Variants in SAMHD1 observed in about 807,000 individuals in gnomAD.
SAMHD1 encodes deoxynucleoside triphosphate triphosphohydrolase SAMHD1.
SAMHD1 carries 54 observed loss-of-function variants against 79.6 expected under a neutral mutation model. That is an observed-to-expected ratio of 0.68 (90% CI 0.55 to 0.85). SAMHD1 has a LOEUF of 0.85. Among genes scored for constraint, SAMHD1 ranks in the 40% least tolerant of loss-of-function variants. The pLI, the probability that SAMHD1 is intolerant of heterozygous loss-of-function variation, is 0.00. For missense variants in SAMHD1, 663 were observed against 782.7 expected, an observed-to-expected ratio of 0.85 and a Z score of 1.82; for synonymous variants, 260 against 264.1, an observed-to-expected ratio of 0.98 and a Z score of 0.15.
At chr20:36,941,645 T>C (rs1487439169) in intron 2 of SAMHD1, among the ~76,000 whole-genome samples, 1 of 152,152 alleles carries the variant, frequency 6.6e-6, no homozygotes, top group East Asian at 1.9e-4. Flanking sequence ...CCTGCTTCAT[T>C]TACAATTACT....
intron 15 of SAMHD1, 92 bp from the exon 16 acceptor site, chr20:36,893,158 AT>A (rs1196615255): frequency 1.6e-5 from 23 of 1,476,340 alleles, no homozygotes; most frequent in Middle Eastern, 1.8e-4. Context: ...GCACATCCTC[AT>A]CTTGCATATA....
chr20:36,913,266 G>A (rs1240462655), intron 9 of SAMHD1, among the ~76,000 whole-genome samples: 1 of 150,504 alleles, frequency 6.6e-6, no homozygotes, highest in Non-Finnish European at 1.5e-5. Flanking sequence ...CATAGTGCTG[G>A]GATTACAGGC....
chr20:36,905,336 A>G, intron 12 of SAMHD1, 28 bp downstream of exon 12: 1 of 1,612,850 alleles, frequency 6.2e-7, no homozygotes, highest in Non-Finnish European at 8.5e-7. Context: ...ATAACCTTTC[A>G]CTAATGGAAA....
intron 6 of SAMHD1, among the ~76,000 whole-genome samples, chr20:36,925,815 G>C (rs996844126): frequency 6.6e-6 from 1 of 152,098 alleles, no homozygotes; most frequent in Admixed American, 6.6e-5. Flanking sequence ...TAATTTGAAA[G>C]GTCAAATGTT....
intron 6 of SAMHD1, among the ~76,000 whole-genome samples, chr20:36,926,584 AAAAG>A (rs1021172768): frequency 1.3e-5 from 2 of 152,114 alleles, no homozygotes; most frequent in African/African-American, 4.8e-5. Flanking sequence ...ATACCTCAAA[AAAAG>A]AGAGAGAGAA....
intron 4 of SAMHD1, among the ~76,000 whole-genome samples, chr20:36,933,449 C>A (rs755721173): frequency 1.3e-5 from 2 of 152,050 alleles, no homozygotes; most frequent in Non-Finnish European, 2.9e-5. Context: ...ATTAAATAAT[C>A]AAATATACAT....
intron 3 of SAMHD1, among the ~76,000 whole-genome samples, chr20:36,937,500 C>T (rs778201236): frequency 2.6e-5 from 4 of 152,136 alleles, no homozygotes; most frequent in Admixed American, 6.6e-5. Flanking sequence ...ACATCCAGAA[C>T]ATATAAAGAG....
intron 2 of SAMHD1, among the ~76,000 whole-genome samples, chr20:36,942,791 C>T (rs1335817422): frequency 3.9e-5 from 6 of 151,964 alleles, no homozygotes; most frequent in African/African-American, 9.7e-5. Context: ...GGACTACAGC[C>T]GCCCGCCACC....
At chr20:36,948,766 C>T (rs952928936) in intron 1 of SAMHD1, among the ~76,000 whole-genome samples, 1 of 148,844 alleles carries the variant, frequency 6.7e-6, no homozygotes, top group Non-Finnish European at 1.5e-5. Flanking sequence ...ACTCAGGAGG[C>T]TGAGGCAGGA....
chr20:36,948,563 T>G (rs1281252751), intron 1 of SAMHD1, among the ~76,000 whole-genome samples: 1 of 151,228 alleles, frequency 6.6e-6, no homozygotes, highest in Non-Finnish European at 1.5e-5. Context: ...AAGAGAAACT[T>G]TATTAGAAAG....
chr20:36,904,501 G>A (rs1173700479), intron 12 of SAMHD1: 1 of 429,234 alleles, frequency 2.3e-6, no homozygotes, highest in African/African-American at 2.0e-5. Flanking sequence ...GGCGGATCAT[G>A]AGGTCGGGAG....
At chr20:36,941,202 C>T (rs569084251) in intron 2 of SAMHD1, 91 bp from the exon 3 acceptor site, 2 of 843,244 alleles carry the variant, frequency 2.4e-6, no homozygotes, top group South Asian at 2.8e-5. Context: ...TTTATATTAT[C>T]TACACTAACA....
chr20:36,942,410 C>T (rs1279964181), intron 2 of SAMHD1, among the ~76,000 whole-genome samples: 7 of 152,222 alleles, frequency 4.6e-5, no homozygotes, highest in African/African-American at 1.7e-4. Context: ...AAGAGCAAAA[C>T]TCCAACTCAA....
At chr20:36,943,444 C>T (rs375156495) in intron 2 of SAMHD1, among the ~76,000 whole-genome samples, 19 of 152,146 alleles carry the variant, frequency 1.2e-4, no homozygotes, top group African/African-American at 4.3e-4. Context: ...CAGAACAATA[C>T]AGCTCTAAGG....
Position 36,912,751 on chromosome 20 carries a change from ATTTTTTT to A in SAMHD1, c.1063-206_1063-200del, listed in dbSNP as rs66970329. Among the ~76,000 whole-genome samples, 26,847 of 107,034 alleles carry A rather than the reference ATTTTTTT, an allele frequency of 0.25. 3,354 individuals are homozygous for A. Among genetic ancestry groups the A allele is most frequent in the East Asian group, 0.43 (1,671 of 3,918 alleles). The allele number at this position is 107,034 out of a possible 152,430, so 70.2% of individuals were successfully genotyped here. A position where few individuals can be genotyped will look rare whatever the true frequency, so the allele number is the denominator to read the frequency against. ...AGCCATTTATTGGCTTGCAACTTTCATTTTTTTTTTTTTTTTTTTTTTTTTTAAAAGA... is the reference window on the plus strand; with the variant it reads ...AGCCATTTATTGGCTTGCAACTTTCATTTTTTTTTTTTTTTTTTTAAAAGA... On this transcript the variant is annotated intron_variant, in intron 9 of 15. Coordinates refer to ENST00000646673, the MANE Select transcript of SAMHD1 (RefSeq NM_015474.4).
rs1211679720 is a variant in SAMHD1 at position 36,911,206 on chromosome 20, G to A, written c.1270+12C>T. On this transcript the variant is annotated intron_variant, in intron 11 of 15. Transcript: ENST00000646673. ...CTGAGATGGACCATCTATGTTACCT[G>A]TTACTTCTTACCTGTCAGCTTAGTA... 1 of 1,545,686 alleles carries A rather than the reference G, an allele frequency of 6.5e-7. No homozygotes were observed.
In SAMHD1 at chr20:36,912,536, T is replaced by C. The variant is rs1360169823; in HGVS notation, c.1079A>G (p.Tyr360Cys). The C allele has an allele frequency of 6.2e-7, 1 of 1,612,232 alleles. No homozygotes were observed. Among genetic ancestry groups the C allele is most frequent in the East Asian group, 2.2e-5 (1 of 44,864 alleles). ...CARDKEVGNL[Y>C]DMFHTRNSLH... ...AGAGTTGCGAGTGTGGAACATGTCA[T>C]ACAGATTTCCAACTTCCTGCAGGAA... is the stretch of plus-strand genomic sequence containing the variant. The change falls in exon 10 of 16, where the codon TAT (tyrosine) becomes TGT (cysteine). Residue 360 changes from tyrosine (Y) to cysteine (C), a missense_variant. By Grantham distance (194) the Tyr-to-Cys change is radical (BLOSUM62 -2). Coordinates refer to ENST00000646673, the MANE Select transcript of SAMHD1 (RefSeq NM_015474.4).
At chr20:36,926,955 G>A (rs2146127528) in intron 6 of SAMHD1, 2 of 496,268 alleles carry the variant, frequency 4.0e-6, no homozygotes, top group South Asian at 4.7e-5. Flanking sequence ...ACATCCAAGA[G>A]TTTCAAGTTC....
Position 36,911,281 on chromosome 20 carries a change from C to T in SAMHD1, c.1207G>A (p.Gly403Arg), listed in dbSNP as rs1166656032. Reference sequence around the variant, plus strand: ...GTAGAAATGCGATACTTTTTTCCTCCAGCACCTGTAATCTCTATGTAGTCA... The same window carrying T: ...GTAGAAATGCGATACTTTTTTCCTCTAGCACCTGTAATCTCTATGTAGTCA... ...ADDYIEITGA[G>R]GKKYRISTAI... is the part of the protein sequence containing the mutation. The change falls in exon 11 of 16, where the codon GGA becomes AGA. Residue 403 changes from glycine (G) to arginine (R), a missense_variant. By Grantham distance (125) the Gly-to-Arg change is moderately radical (BLOSUM62 -2). Transcript: ENST00000646673. 1 of 1,613,022 alleles carries T rather than the reference C, an allele frequency of 6.2e-7. No homozygotes were observed. The highest frequency in any genetic ancestry group is 1.3e-5 in the African/African-American group (1 of 74,922).
Sources: gnomAD v4.1 joint callset for allele counts (sites outside exome capture counted in the v4.1 genomes callset) on GRCh38, gnomAD v4.1.1 for gene constraint, MANE v1.5 for transcripts, NCBI Gene and HGNC (gene_info 2026-07-23, HGNC 2026-07-21) for gene names.